GALNT17: variants seen among roughly 807,000 people sequenced by gnomAD.
GALNT17 encodes UDP-GalNAc:polypeptide N-acetylgalactosaminyltransferase-like 3.
In GALNT17, 29 loss-of-function variants were observed where a neutral mutation model predicts 63.7. The observed-to-expected ratio is 0.46, with a 90% CI of 0.34 to 0.62. The LOEUF (loss-of-function observed/expected upper bound fraction) is 0.62. Ranked by LOEUF, GALNT17 falls within the 20% of genes least tolerant of loss-of-function variation. The probability of loss-of-function intolerance (pLI) is 0.01; values close to 1 mark genes in which losing one functional copy is unlikely to be tolerated. For missense variants in GALNT17, 603 were observed against 799.6 expected, an observed-to-expected ratio of 0.75 and a Z score of 2.97; for synonymous variants, 305 against 318.3, an observed-to-expected ratio of 0.96 and a Z score of 0.45.
intron 2 of GALNT17, among the ~76,000 whole-genome samples, chr7:71,385,741 C>G (rs983093003): frequency 6.6e-6 from 1 of 152,140 alleles, no homozygotes; most frequent in African/African-American, 2.4e-5. Flanking sequence ...AGGACCTTCT[C>G]CTAGTTGGGG....
intron 1 of GALNT17, among the ~76,000 whole-genome samples, chr7:71,187,916 T>G (rs1788881935): frequency 6.6e-6 from 1 of 152,198 alleles, no homozygotes; most frequent in South Asian, 2.1e-4. Flanking sequence ...CATTGTATCA[T>G]TCTTATGCCT....
chr7:71,455,646 T>TC (rs1302569075), intron 5 of GALNT17, among the ~76,000 whole-genome samples: 1 of 152,116 alleles, frequency 6.6e-6, no homozygotes, highest in Non-Finnish European at 1.5e-5. Flanking sequence ...CAGTTCTTGT[T>TC]CCCAGAGAAG....
chr7:71,414,094 A>T (rs1423938252), intron 3 of GALNT17, among the ~76,000 whole-genome samples: 1 of 152,020 alleles, frequency 6.6e-6, no homozygotes, highest in African/African-American at 2.4e-5. Context: ...ATACAAAATT[A>T]GCCGGCTGTG....
At chr7:71,654,478 A>G (rs1397997997) in intron 6 of GALNT17, among the ~76,000 whole-genome samples, 1 of 152,200 alleles carries the variant, frequency 6.6e-6, no homozygotes, top group Non-Finnish European at 1.5e-5. Flanking sequence ...GTTCCTGTAA[A>G]CCTTTAACAA....
chr7:71,132,945 T>G lies in GALNT17; in HGVS notation c.143T>G (p.Val48Gly). Residue 48 changes from valine (V) to glycine (G), a missense_variant, in exon 1 of 11, where the codon GTG becomes GGG. Val to Gly is a moderately radical substitution (Grantham distance 109). This residue lies in a region of GALNT17 where 195 missense variants were observed against 215.0 expected (regional missense o/e 0.91). Coordinates refer to ENST00000333538, the MANE Select transcript of GALNT17 (RefSeq NM_022479.3). Reference sequence around the variant, plus strand: ...CACGAGATCCGGCCGCGCGCCGAGGTGGCCAACCTCAGCGCGCACAGCGCC... The same window carrying G: ...CACGAGATCCGGCCGCGCGCCGAGGGGGCCAACCTCAGCGCGCACAGCGCC... ...AFHEIRPRAE[V>G]ANLSAHSASP... is the part of the protein sequence containing the mutation. The G allele has an allele frequency of 2.5e-6, 4 of 1,609,892 alleles. No individual in the cohort carries two copies. Among genetic ancestry groups the G allele is most frequent in the East Asian group, 2.2e-5 (1 of 44,740 alleles).
intron 5 of GALNT17, among the ~76,000 whole-genome samples, chr7:71,538,292 G>T (rs761937839): frequency 5.9e-5 from 9 of 152,104 alleles, no homozygotes; most frequent in Non-Finnish European, 1.3e-4. Flanking sequence ...GGCAGAGCTT[G>T]CCACGGCTAT....
intron 6 of GALNT17, among the ~76,000 whole-genome samples, chr7:71,638,699 G>C (rs1364512440): frequency 1.1e-4 from 16 of 152,184 alleles, no homozygotes; most frequent in Admixed American, 1.0e-3. Flanking sequence ...AGGTCTTTTG[G>C]TATTCTGGTT....
chr7:71,671,985 G>A (rs1037882942), intron 8 of GALNT17, among the ~76,000 whole-genome samples: 10 of 142,438 alleles, frequency 7.0e-5, no homozygotes, highest in Admixed American at 1.5e-4. Flanking sequence ...CTGAGATCGC[G>A]CCACTGCACT....
chr7:71,600,736 TTTTGTTTG>T (rs201329710), intron 6 of GALNT17, among the ~76,000 whole-genome samples: 4 of 142,486 alleles, frequency 2.8e-5, no homozygotes, highest in Non-Finnish European at 6.0e-5. Context: ...AATTTTGGTT[TTTTGTTTG>T]TTTGTTTGTT....
At chr7:71,279,115 G>A (rs1025716518) in intron 1 of GALNT17, among the ~76,000 whole-genome samples, 2 of 151,800 alleles carry the variant, frequency 1.3e-5, no homozygotes, top group East Asian at 3.9e-4. Context: ...TAGTAGAGAT[G>A]GGTTTCACCA....
chr7:71,343,898 T>G (rs1158193388), intron 2 of GALNT17, among the ~76,000 whole-genome samples: 2 of 152,198 alleles, frequency 1.3e-5, no homozygotes, highest in African/African-American at 2.4e-5. Context: ...CTCTGTGGTG[T>G]TCTTTTGGTC....
At chr7:71,639,651 C>T (rs147231262) in intron 6 of GALNT17, among the ~76,000 whole-genome samples, 155 of 152,256 alleles carry the variant, frequency 1.0e-3, no homozygotes, top group African/African-American at 3.4e-3. Flanking sequence ...AGCACACAAC[C>T]GAAAGCAGCA....
At position 71,431,171 on chromosome 7, in the gene GALNT17, C is replaced by G. The variant is rs551360757; in HGVS notation, c.962+10066C>G. The stretch of plus-strand genomic sequence containing the variant: ...GCACAATACACATCTATTCGCTCCT[C>G]ATTCTCACCCTATGAGTATTTTTTT... On this transcript the variant is annotated intron_variant, in intron 5 of 10. Transcript: ENST00000333538. Among the ~76,000 whole-genome samples the G allele has an allele frequency of 1.3e-4, 20 of 150,838 alleles. No individual in the cohort carries two copies. The East Asian group carries it at 3.7e-3, about 28-fold the overall frequency.
chr7:71,269,612 G>A (rs545833940), intron 1 of GALNT17, among the ~76,000 whole-genome samples: 11 of 152,210 alleles, frequency 7.2e-5, no homozygotes, highest in Non-Finnish European at 1.5e-4. Flanking sequence ...AGAGGTCCTC[G>A]ACCCACACGT....
chr7:71,191,602 C>T (rs141110325), intron 1 of GALNT17, among the ~76,000 whole-genome samples: 1 of 152,232 alleles, frequency 6.6e-6, no homozygotes, highest in African/African-American at 2.4e-5. Flanking sequence ...TGTTGTTTAT[C>T]AGGAGTTTCG....
chr7:71,406,316 C>T (rs1323521746), intron 3 of GALNT17, among the ~76,000 whole-genome samples: 2 of 152,210 alleles, frequency 1.3e-5, no homozygotes, highest in East Asian at 1.9e-4. Flanking sequence ...ACAAAGCTTC[C>T]GCATTGGGCC....
chr7:71,670,254 G>T, intron 8 of GALNT17, 145 bp downstream of exon 8: 5 of 1,134,698 alleles, frequency 4.4e-6, no homozygotes, highest in South Asian at 1.3e-5. Flanking sequence ...ATTCTCTCTA[G>T]CTGGGGGGTT....
chr7:71,539,669 C>T (rs147470949), intron 5 of GALNT17, among the ~76,000 whole-genome samples: 4 of 141,208 alleles, frequency 2.8e-5, no homozygotes, highest in East Asian at 2.1e-4. Flanking sequence ...ATCAGAGACA[C>T]ATATGGACAC....
chr7:71,158,571 TTTTA>T (rs977939755), intron 1 of GALNT17, among the ~76,000 whole-genome samples: 2 of 151,274 alleles, frequency 1.3e-5, no homozygotes, highest in African/African-American at 4.9e-5. Context: ...ATTTTTCTGT[TTTTA>T]TTTATTTATT....
Sources: gnomAD v4.1 joint callset for allele counts (sites outside exome capture counted in the v4.1 genomes callset) on GRCh38, gnomAD v4.1.1 for gene constraint, gnomAD v4.1.1 regional missense constraint, MANE v1.5 for transcripts, NCBI Gene and HGNC (gene_info 2026-07-23, HGNC 2026-07-21) for gene names.